EYA2: variants seen among roughly 807,000 people sequenced by gnomAD.
EYA2 encodes the protein EYA transcriptional coactivator and phosphatase 2, also known as protein phosphatase EYA2.
EYA2 carries 31 observed loss-of-function variants against 69.2 expected under a neutral mutation model. That is an observed-to-expected ratio of 0.45 (90% CI 0.34 to 0.60). The LOEUF (loss-of-function observed/expected upper bound fraction) is 0.60, where lower values mean the gene tolerates loss of function less well. Among genes scored for constraint, EYA2 ranks in the 20% least tolerant of loss-of-function variants. The probability of loss-of-function intolerance (pLI) is 0.02; values close to 1 mark genes in which losing one functional copy is unlikely to be tolerated. For missense variants in EYA2, 622 were observed against 701.2 expected (o/e 0.89, Z 1.28); for synonymous variants, 257 against 279.4 (o/e 0.92, Z 0.80).
At chr20:47,123,981 CAA>C (rs369234559) in intron 9 of EYA2, among the ~76,000 whole-genome samples, 2 of 127,008 alleles carry the variant, frequency 1.6e-5, no homozygotes. Flanking sequence ...GATTCCATCT[CAA>C]AAAAAAAAAA....
chr20:47,010,145 T>G (rs1397367542), intron 4 of EYA2, among the ~76,000 whole-genome samples: 3 of 152,238 alleles, frequency 2.0e-5, no homozygotes, highest in Admixed American at 6.5e-5. Context: ...GAGAGGAATT[T>G]CTGGGTCATG....
chr20:47,167,279 A>ACTTT (rs2034219690), intron 10 of EYA2, among the ~76,000 whole-genome samples: 1 of 70,078 alleles, frequency 1.4e-5, no homozygotes, highest in African/African-American at 6.5e-5. Flanking sequence ...CGGTTTTTTT[A>ACTTT]CTTTTTTTTT....
At chr20:47,058,155 A>C (rs1470698923) in intron 5 of EYA2, among the ~76,000 whole-genome samples, 3 of 152,182 alleles carry the variant, frequency 2.0e-5, no homozygotes, top group African/African-American at 7.2e-5. Flanking sequence ...ACCTCTCCTT[A>C]AAAAGAGGAG....
chr20:47,138,081 T>C (rs1343104653), intron 9 of EYA2, among the ~76,000 whole-genome samples: 1 of 151,760 alleles, frequency 6.6e-6, no homozygotes, highest in African/African-American at 2.4e-5. Context: ...ATGGCACATG[T>C]ATACATATGT....
chr20:47,164,218 A>G (rs933277733), intron 10 of EYA2, among the ~76,000 whole-genome samples: 1 of 152,108 alleles, frequency 6.6e-6, no homozygotes, highest in African/African-American at 2.4e-5. Context: ...AGCTGGCTCA[A>G]GGGGTAACTT....
intron 10 of EYA2, among the ~76,000 whole-genome samples, chr20:47,152,182 A>G (rs1241327130): frequency 6.6e-6 from 1 of 151,594 alleles, no homozygotes; most frequent in Non-Finnish European, 1.5e-5. Context: ...TTCTCCTCAA[A>G]TCCTGGTTTC....
At chr20:47,111,157 G>C (rs1166435120) in intron 9 of EYA2, among the ~76,000 whole-genome samples, 1 of 152,246 alleles carries the variant, frequency 6.6e-6, no homozygotes, top group African/African-American at 2.4e-5. Flanking sequence ...AAGGTGCTGA[G>C]AAAGACATCT....
At chr20:46,993,903 A>C (rs1321893855) in intron 2 of EYA2, among the ~76,000 whole-genome samples, 1 of 152,242 alleles carries the variant, frequency 6.6e-6, no homozygotes, top group Non-Finnish European at 1.5e-5. Context: ...GAAGACAGCA[A>C]GTGCAAAGGC....
intron 5 of EYA2, among the ~76,000 whole-genome samples, chr20:47,048,459 C>T (rs894653918): frequency 5.3e-5 from 8 of 152,232 alleles, no homozygotes; most frequent in Admixed American, 6.5e-5. Context: ...TTATGCAGGC[C>T]GGGTGCAGTG....
chr20:46,948,834 C>G (rs1022839536), intron 1 of EYA2, among the ~76,000 whole-genome samples: 2 of 152,216 alleles, frequency 1.3e-5, no homozygotes, highest in Non-Finnish European at 1.5e-5. Context: ...TTCATTCAAG[C>G]TTGAGATGAT....
chr20:46,966,700 C>G (rs1296784865), intron 1 of EYA2, among the ~76,000 whole-genome samples: 1 of 151,916 alleles, frequency 6.6e-6, no homozygotes, highest in African/African-American at 2.4e-5. Context: ...GTCCCAGCTA[C>G]TTAGGAGGCT....
chr20:47,169,592 C>T (rs919889883), intron 11 of EYA2, among the ~76,000 whole-genome samples: 7 of 152,210 alleles, frequency 4.6e-5, no homozygotes, highest in Admixed American at 4.6e-4. Flanking sequence ...TCATTTATTG[C>T]TATTTTTTTC....
intron 1 of EYA2, among the ~76,000 whole-genome samples, chr20:46,975,025 CA>C (rs1360420712): frequency 6.7e-6 from 1 of 148,324 alleles, no homozygotes; most frequent in East Asian, 2.1e-4. Flanking sequence ...ATTTATATAA[CA>C]TTTTCAAAAT....
chr20:47,098,602 C>T (rs2032326944), intron 9 of EYA2, among the ~76,000 whole-genome samples: 1 of 152,222 alleles, frequency 6.6e-6, no homozygotes, highest in Non-Finnish European at 1.5e-5. Flanking sequence ...AGACAAAGCC[C>T]CGAGTTCCTT....
At chr20:47,169,004 C>T (rs2034262973) in intron 10 of EYA2, 135 bp from the exon 11 acceptor site, 3 of 741,448 alleles carry the variant, frequency 4.0e-6, no homozygotes. Context: ...CAAATCCAGA[C>T]TAGAACCCGA....
At chr20:46,942,426 G>C (rs1054042572) in intron 1 of EYA2, among the ~76,000 whole-genome samples, 1 of 151,992 alleles carries the variant, frequency 6.6e-6, no homozygotes, top group South Asian at 2.1e-4. Flanking sequence ...CCATTTTTAG[G>C]GGGGGAAAAC....
chr20:47,097,151 G>T lies in EYA2; in HGVS notation c.871G>T (p.Ala291Ser). 6.2e-7 allele frequency: 1 copy of T among 1,610,424 alleles called. No homozygotes were observed. The highest frequency in any genetic ancestry group is 8.5e-7 in the Non-Finnish European group (1 of 1,178,456). ...TCACTCCTTACTCACGGGGACATTTGCATCCAGATACGGGAAGGTAAGAAT... is the reference window on the plus strand; with the variant it reads ...TCACTCCTTACTCACGGGGACATTTTCATCCAGATACGGGAAGGTAAGAAT... ...IFHSLLTGTF[A>S]SRYGKDTTTS... is the part of the protein sequence containing the mutation. Residue 291 changes from alanine to serine, a missense_variant, in exon 9 of 16, where the codon GCA becomes TCA. By Grantham distance (99) the Ala-to-Ser change is moderately conservative. This residue lies in a region of EYA2 where 257 missense variants were observed against 351.5 expected (regional missense o/e 0.73). Transcript: ENST00000327619.
intron 5 of EYA2, among the ~76,000 whole-genome samples, chr20:47,047,525 T>TA (rs1362435449): frequency 1.3e-5 from 2 of 152,144 alleles, no homozygotes; most frequent in Admixed American, 1.3e-4. Context: ...TAGCCAGAAT[T>TA]ACAGGCATGT....
intron 5 of EYA2, among the ~76,000 whole-genome samples, chr20:47,038,889 G>A (rs962032873): frequency 1.3e-5 from 2 of 150,674 alleles, no homozygotes; most frequent in Non-Finnish European, 2.9e-5. Context: ...TGTGAAGAGA[G>A]TAGGGGCTTC....
Sources: gnomAD v4.1 joint callset for allele counts (sites outside exome capture counted in the v4.1 genomes callset) on GRCh38, gnomAD v4.1.1 for gene constraint, gnomAD v4.1.1 regional missense constraint, MANE v1.5 for transcripts, NCBI Gene and HGNC (gene_info 2026-07-23, HGNC 2026-07-21) for gene names.